CRYZL1: variants seen among roughly 807,000 people sequenced by gnomAD.
CRYZL1 encodes ferry endosomal RAB5 effector complex subunit 4.
Under a neutral mutation model 50.6 loss-of-function variants are expected in CRYZL1, and 34 were observed. The observed-to-expected ratio is 0.67, with a 90% CI of 0.51 to 0.89. The LOEUF (loss-of-function observed/expected upper bound fraction) is 0.89. Ranked by LOEUF, CRYZL1 falls within the 40% of genes least tolerant of loss-of-function variation. CRYZL1 has a pLI of 0.00. For synonymous variants in CRYZL1, 125 were observed against 134.3 expected, an observed-to-expected ratio of 0.93 and a Z score of 0.48; for missense variants, 354 against 402.3, an observed-to-expected ratio of 0.88 and a Z score of 1.03.
At chr21:33,596,082 G>GGT (rs1201411978) in intron 10 of CRYZL1, 4 of 609,530 alleles carry the variant, frequency 6.6e-6, no homozygotes, top group East Asian at 3.3e-5. Flanking sequence ...AAGTGGTAGG[G>GGT]GTGTGTGTGT....
intron 1 of CRYZL1, among the ~76,000 whole-genome samples, chr21:33,634,672 C>A (rs1473364264): frequency 6.6e-6 from 1 of 151,414 alleles, no homozygotes; most frequent in African/African-American, 2.4e-5. Context: ...AGAAGTGGAA[C>A]AATTACGTAT....
chr21:33,592,207 A>T (rs900914945), intron 11 of CRYZL1, among the ~76,000 whole-genome samples: 8 of 147,010 alleles, frequency 5.4e-5, no homozygotes, highest in African/African-American at 2.0e-4. Context: ...CAGTGGCATG[A>T]TCATGGCTCA....
rs2086619275 is a variant in CRYZL1, at chr21:33,589,466, T to C, written c.*356A>G. The C allele has an allele frequency of 8.1e-6, 3 of 370,150 alleles. No homozygotes were observed. Among genetic ancestry groups the C allele is most frequent in the East Asian group, 9.0e-5 (2 of 22,178 alleles). 22.9% of individuals were successfully genotyped at this position (370,150 alleles called of 1,614,324 possible). ...ATACAAAATTAATACGTTACTTTGATAGCTTAGCAAAGGCCTGCAACAGCT... is the reference window on the plus strand; with the variant it reads ...ATACAAAATTAATACGTTACTTTGACAGCTTAGCAAAGGCCTGCAACAGCT... On this transcript the variant is annotated 3_prime_UTR_variant, in exon 13 of 13. Coordinates refer to ENST00000381554, the MANE Select transcript of CRYZL1 (RefSeq NM_145858.3).
intron 1 of CRYZL1, among the ~76,000 whole-genome samples, chr21:33,634,082 G>A (rs781267954): frequency 2.6e-5 from 4 of 152,206 alleles, no homozygotes; most frequent in Non-Finnish European, 5.9e-5. Flanking sequence ...AATTACGTAT[G>A]TAGCATGTAT....
At chr21:33,619,789 T>C (rs866450659) in intron 4 of CRYZL1, among the ~76,000 whole-genome samples, 57 of 152,320 alleles carry the variant, frequency 3.7e-4, no homozygotes, top group African/African-American at 1.3e-3. Flanking sequence ...CCAAACTCTT[T>C]GTAATTCTTA....
intron 2 of CRYZL1, among the ~76,000 whole-genome samples, chr21:33,625,462 AC>A (rs1255549689): frequency 6.6e-6 from 1 of 151,530 alleles, no homozygotes; most frequent in African/African-American, 2.4e-5. Context: ...GCAGGCCTTT[AC>A]TAATTTTTAG....
intron 1 of CRYZL1, chr21:33,641,404 C>T (rs1167848041): frequency 7.2e-7 from 1 of 1,386,420 alleles, no homozygotes; most frequent in Non-Finnish European, 9.5e-7. Context: ...GAAGGGCACT[C>T]CCAGACCTCT....
At chr21:33,590,721 C>T (rs1349570995) in intron 12 of CRYZL1, among the ~76,000 whole-genome samples, 2 of 152,204 alleles carry the variant, frequency 1.3e-5, no homozygotes, top group Admixed American at 6.5e-5. Flanking sequence ...TGGCCTACTC[C>T]CTCTTTTATA....
intron 10 of CRYZL1, 64 bp from the exon 11 acceptor site, chr21:33,595,900 C>T: frequency 9.2e-7 from 1 of 1,086,634 alleles, no homozygotes; most frequent in Non-Finnish European, 1.4e-6. Context: ...TGACTGGTAT[C>T]TCGAGTCAGA....
At chr21:33,596,784 GA>G (rs1195808581) in intron 10 of CRYZL1, among the ~76,000 whole-genome samples, 3 of 145,274 alleles carry the variant, frequency 2.1e-5, no homozygotes, top group African/African-American at 2.5e-5. Context: ...TTGCTAAAGT[GA>G]AAAAAAAAGC....
chr21:33,616,967 C>T (rs967223401), intron 4 of CRYZL1: 1 of 328,470 alleles, frequency 3.0e-6, no homozygotes, highest in Non-Finnish European at 5.5e-6. Flanking sequence ...TTGGGCCATG[C>T]GATTATTGTG....
chr21:33,604,595 T>C (rs1302502103), intron 6 of CRYZL1, among the ~76,000 whole-genome samples: 1 of 152,102 alleles, frequency 6.6e-6, no homozygotes, highest in Non-Finnish European at 1.5e-5. Flanking sequence ...AATCATACCA[T>C]ATGCATTCTT....
intron 4 of CRYZL1, among the ~76,000 whole-genome samples, chr21:33,620,890 G>A (rs2086989601): frequency 1.4e-5 from 2 of 146,788 alleles, no homozygotes; most frequent in African/African-American, 5.0e-5. Flanking sequence ...CCGTAGACCA[G>A]GGGTGTCCAA....
intron 4 of CRYZL1, among the ~76,000 whole-genome samples, chr21:33,618,951 C>T (rs767897074): frequency 1.3e-5 from 2 of 152,152 alleles, no homozygotes; most frequent in African/African-American, 2.4e-5. Context: ...ATTTCAAATA[C>T]AACCTACATG....
At chr21:33,595,894 T>C in intron 10 of CRYZL1, 58 bp from the exon 11 acceptor site, 1 of 1,154,742 alleles carries the variant, frequency 8.7e-7, no homozygotes, top group South Asian at 1.3e-5. Context: ...GCAGGATGAC[T>C]GGTATCTCGA....
chr21:33,635,935 C>A (rs902454624), intron 1 of CRYZL1, among the ~76,000 whole-genome samples: 4 of 151,932 alleles, frequency 2.6e-5, no homozygotes, highest in African/African-American at 9.7e-5. Context: ...GAGCTGAGAT[C>A]GCGCCACTGC....
intron 12 of CRYZL1, 134 bp downstream of exon 12, chr21:33,591,028 T>C: frequency 1.4e-6 from 1 of 702,288 alleles, no homozygotes; most frequent in Non-Finnish European, 2.5e-6. Context: ...ACAATTATGT[T>C]TGCACCAACC....
intron 12 of CRYZL1, 123 bp from the exon 13 acceptor site, chr21:33,590,044 G>C: frequency 1.7e-6 from 1 of 592,358 alleles, no homozygotes; most frequent in Non-Finnish European, 2.9e-6. Flanking sequence ...TTGAGACAGA[G>C]TCTGGCTCTC....
intron 6 of CRYZL1, among the ~76,000 whole-genome samples, chr21:33,603,827 T>G (rs1261111902): frequency 1.3e-5 from 2 of 152,238 alleles, no homozygotes; most frequent in African/African-American, 4.8e-5. Context: ...TATGCAAAGT[T>G]AACGGTATAC....
Sources: gnomAD v4.1 joint callset for allele counts (sites outside exome capture counted in the v4.1 genomes callset) on GRCh38, gnomAD v4.1.1 for gene constraint, MANE v1.5 for transcripts, NCBI Gene and HGNC (gene_info 2026-07-23, HGNC 2026-07-21) for gene names.